The following CAMTA1 variants were observed in gnomAD, a reference collection of about 807,000 sequenced individuals.
CAMTA1 encodes the protein calmodulin binding transcription activator 1.
In CAMTA1, 27 loss-of-function variants were observed where a neutral mutation model predicts 170.9. The observed-to-expected ratio is 0.16, with a 90% CI of 0.12 to 0.22. The LOEUF is 0.22. Ranked by LOEUF, CAMTA1 falls within the 10% of genes least tolerant of loss-of-function variation. CAMTA1 has a pLI of 1.00. For synonymous variants in CAMTA1, 833 were observed against 891.5 expected (o/e 0.93, Z 1.17); for missense variants, 1,619 against 2,217.2 (o/e 0.73, Z 5.42).
At chr1:7,166,413 A>G (rs1442265804) in intron 4 of CAMTA1, among the ~76,000 whole-genome samples, 1 of 152,206 alleles carries the variant, frequency 6.6e-6, no homozygotes, top group Non-Finnish European at 1.5e-5. Flanking sequence ...TGGGTGGTAG[A>G]GTACCTATAC....
intron 18 of CAMTA1, among the ~76,000 whole-genome samples, chr1:7,746,455 G>C (rs1339499733): frequency 6.6e-6 from 1 of 152,152 alleles, no homozygotes; most frequent in Non-Finnish European, 1.5e-5. Context: ...TTTTTAAACA[G>C]TTAAACATGA....
At chr1:7,231,363 G>GAGAT in intron 4 of CAMTA1, among the ~76,000 whole-genome samples, 1 of 151,706 alleles carries the variant, frequency 6.6e-6, no homozygotes, top group African/African-American at 2.4e-5. Context: ...GAGAGAGAGA[G>GAGAT]AGAGAGAGAG....
At chr1:6,796,042 C>T (rs540863422) in intron 1 of CAMTA1, among the ~76,000 whole-genome samples, 1 of 151,112 alleles carries the variant, frequency 6.6e-6, no homozygotes, top group Non-Finnish European at 1.5e-5. Flanking sequence ...GTGACTTGAA[C>T]TGTGTTGTGA....
chr1:7,335,110 T>C (rs923792965), intron 5 of CAMTA1, among the ~76,000 whole-genome samples: 3 of 57,320 alleles, frequency 5.2e-5, no homozygotes, highest in Non-Finnish European at 3.1e-5. Context: ...AGGGCTTGTT[T>C]GGCAGCACAG....
chr1:7,559,565 G>C (rs1294087205), intron 6 of CAMTA1, among the ~76,000 whole-genome samples: 3 of 152,210 alleles, frequency 2.0e-5, no homozygotes, highest in Non-Finnish European at 4.4e-5. Context: ...AGCACAGCTC[G>C]GAGCCCTGCA....
intron 4 of CAMTA1, among the ~76,000 whole-genome samples, chr1:7,099,616 G>A (rs180835573): frequency 6.6e-6 from 1 of 152,314 alleles, no homozygotes; most frequent in East Asian, 1.9e-4. Context: ...TTCTTACTGT[G>A]TCCACTGCCT....
intron 5 of CAMTA1, among the ~76,000 whole-genome samples, chr1:7,439,973 T>G (rs1458186646): frequency 6.6e-6 from 1 of 152,216 alleles, no homozygotes; most frequent in Non-Finnish European, 1.5e-5. Flanking sequence ...TCCGTGAGGC[T>G]TTGTTGAGGC....
At chr1:7,284,177 C>CTTCTTCTTCTTATTA (rs1333698169) in intron 5 of CAMTA1, among the ~76,000 whole-genome samples, 19 of 99,312 alleles carry the variant, frequency 1.9e-4, no homozygotes, top group East Asian at 5.8e-4. Flanking sequence ...TCTTCTTCTT[C>CTTCTTCTTCTTATTA]TTATTATTAT....
intron 3 of CAMTA1, among the ~76,000 whole-genome samples, chr1:6,924,305 GGCTGGGAGGGGATCAGGCCA>G (rs1055765045): frequency 1.3e-5 from 2 of 151,982 alleles, no homozygotes; most frequent in African/African-American, 2.4e-5. Context: ...GAGGGGCTCA[GGCTGGGAGGGGATCAGGCCA>G]GCTGGGAGGG....
rs2095773944 is a variant in CAMTA1, at chr1:7,642,736, C to T, written c.664+2183C>T. 6.6e-6 allele frequency among the ~76,000 whole-genome samples: 1 copy of T among 152,284 alleles called. No individual in the cohort carries two copies. Among genetic ancestry groups the T allele is most frequent in the South Asian group, 2.1e-4 (1 of 4,828 alleles). ...TCCTGGCTTCATGGCTGCCCCTCTA[C>T]ACAGCCCCAGACCAATGCCCCACCC... On this transcript the variant is annotated intron_variant, in intron 7 of 22. Transcript: ENST00000303635. The surrounding 1 kb of genome is among the most constrained non-coding windows in gnomAD (Gnocchi z 6.3).
At chr1:7,710,296 G>A (rs2096559693) in intron 11 of CAMTA1, among the ~76,000 whole-genome samples, 1 of 152,064 alleles carries the variant, frequency 6.6e-6, no homozygotes, top group African/African-American at 2.4e-5. Context: ...CCTCAGACTG[G>A]CTTACATAAA....
chr1:7,688,598 TG>T (rs2096278482), intron 11 of CAMTA1, among the ~76,000 whole-genome samples: 2 of 152,148 alleles, frequency 1.3e-5, no homozygotes, highest in Admixed American at 1.3e-4. Flanking sequence ...AAGTGCTGGT[TG>T]GGGGCTAGGG....
At chr1:6,857,182 G>A (rs1662753449) in intron 3 of CAMTA1, among the ~76,000 whole-genome samples, 1 of 152,192 alleles carries the variant, frequency 6.6e-6, no homozygotes, top group Non-Finnish European at 1.5e-5. Context: ...AAAGTTAACG[G>A]TGGAGGTGGC....
chr1:6,847,471 T>C (rs745425009), intron 3 of CAMTA1, among the ~76,000 whole-genome samples: 1 of 151,814 alleles, frequency 6.6e-6, no homozygotes, highest in African/African-American at 2.4e-5. Context: ...AGGAGAGAGA[T>C]GGATGAGTTA....
intron 6 of CAMTA1, among the ~76,000 whole-genome samples, chr1:7,586,243 A>G (rs1021171197): frequency 6.6e-6 from 1 of 152,084 alleles, no homozygotes; most frequent in Non-Finnish European, 1.5e-5. Context: ...GGGGATCCGC[A>G]CTTGAGTTTA....
At chr1:7,747,029 A>C (rs747015463) in intron 18 of CAMTA1, among the ~76,000 whole-genome samples, 12 of 152,374 alleles carry the variant, frequency 7.9e-5, no homozygotes, top group Non-Finnish European at 1.8e-4. Context: ...TTTTTAATTA[A>C]AGTTATTAAT....
intron 4 of CAMTA1, among the ~76,000 whole-genome samples, chr1:7,236,865 A>G (rs1343855325): frequency 2.6e-5 from 4 of 152,228 alleles, no homozygotes; most frequent in African/African-American, 9.6e-5. Flanking sequence ...TGAAATATGT[A>G]AGCTGCAATA....
At chr1:7,207,283 A>C (rs1177582256) in intron 4 of CAMTA1, among the ~76,000 whole-genome samples, 1 of 152,198 alleles carries the variant, frequency 6.6e-6, no homozygotes, top group Admixed American at 6.5e-5. Flanking sequence ...ACATGTTTAC[A>C]TTAGGTGATA....
intron 5 of CAMTA1, among the ~76,000 whole-genome samples, chr1:7,318,116 A>T (rs1045727060): frequency 2.0e-5 from 3 of 152,228 alleles, no homozygotes; most frequent in African/African-American, 7.2e-5. Context: ...GCCAGTGCAG[A>T]AGCAGGGAGG....
Sources: allele counts gnomAD v4.1 joint callset (sites outside exome capture counted in the v4.1 genomes callset), GRCh38; gene constraint gnomAD v4.1.1; non-coding constraint Gnocchi (gnomAD v3.1); transcripts MANE v1.5; gene names NCBI Gene and HGNC (gene_info 2026-07-23, HGNC 2026-07-21).